Variants in VWA8 observed in about 807,000 individuals in gnomAD.
VWA8 encodes von Willebrand factor A domain containing 8.
In VWA8, 221 loss-of-function variants were observed where a neutral mutation model predicts 241.5. The ratio of observed to expected loss-of-function variants is 0.91; its 90% CI spans 0.82 to 1.02. The LOEUF (loss-of-function observed/expected upper bound fraction) is 1.02. VWA8 is among the 50% of genes least tolerant of loss of function. VWA8 has a pLI of 0.00. For synonymous variants in VWA8, 852 were observed against 827.1 expected, an observed-to-expected ratio of 1.03 and a Z score of -0.52; for missense variants, 2,322 against 2,328.7, an observed-to-expected ratio of 1.00 and a Z score of 0.06.
chr13:41,863,582 C>T (rs1043682918), intron 12 of VWA8, among the ~76,000 whole-genome samples: 4 of 151,320 alleles, frequency 2.6e-5, no homozygotes, highest in African/African-American at 9.7e-5. Flanking sequence ...TAGGTGCCCA[C>T]CAACAGTGGA....
intron 37 of VWA8, among the ~76,000 whole-genome samples, chr13:41,668,534 A>G (rs2045001818): frequency 6.6e-6 from 1 of 152,180 alleles, no homozygotes; most frequent in Non-Finnish European, 1.5e-5. Context: ...AGCTTGAAAG[A>G]TCAAACAGAA....
At chr13:41,828,852 AT>A (rs1175247276) in intron 14 of VWA8, among the ~76,000 whole-genome samples, 4 of 152,138 alleles carry the variant, frequency 2.6e-5, no homozygotes, top group African/African-American at 9.7e-5. Flanking sequence ...AACTTTTCTA[AT>A]TTTTTTATAG....
intron 9 of VWA8, among the ~76,000 whole-genome samples, chr13:41,876,715 T>A (rs540759266): frequency 6.6e-6 from 1 of 152,266 alleles, no homozygotes; most frequent in East Asian, 1.9e-4. Flanking sequence ...GAATGAATAA[T>A]CTTTTTTGAG....
rs1365010696 is a variant in VWA8 at position 41,729,536 on chromosome 13, A to G, written c.2638+6T>C. The G allele has an allele frequency of 1.2e-6, 2 of 1,607,042 alleles. No individual in the cohort carries two copies. Among genetic ancestry groups the G allele is most frequent in the East Asian group, 4.5e-5 (2 of 44,690 alleles). On this transcript the variant is annotated splice_donor_region_variant and intron_variant, in intron 23 of 44. Coordinates refer to ENST00000379310, the MANE Select transcript of VWA8 (RefSeq NM_015058.2). ...TAAAGGAAACATTGCTTTCTAAAAT[A>G]CTCACTTGCAACAATGCGTCTTCCA...
At chr13:41,851,714 A>G (rs1434515527) in intron 12 of VWA8, among the ~76,000 whole-genome samples, 1 of 150,922 alleles carries the variant, frequency 6.6e-6, no homozygotes, top group African/African-American at 2.4e-5. Context: ...TTTTCTTCCC[A>G]GTCTCGGGTG....
At chr13:41,814,865 A>G (rs1320452260) in intron 16 of VWA8, among the ~76,000 whole-genome samples, 1 of 152,228 alleles carries the variant, frequency 6.6e-6, no homozygotes, top group Admixed American at 6.5e-5. Flanking sequence ...GAACAAAGAA[A>G]AAACCCCTGC....
chr13:41,771,210 C>T (rs541435040), intron 20 of VWA8, among the ~76,000 whole-genome samples: 4 of 152,152 alleles, frequency 2.6e-5, no homozygotes, highest in African/African-American at 9.7e-5. Context: ...GCAACCTCCC[C>T]CTCCCAGGTT....
At chr13:41,955,527 A>G (rs1566051440) in intron 1 of VWA8, among the ~76,000 whole-genome samples, 1 of 152,244 alleles carries the variant, frequency 6.6e-6, no homozygotes, top group Admixed American at 6.5e-5. Context: ...CAGCAAGAAC[A>G]TAAAGAATTA....
intron 7 of VWA8, among the ~76,000 whole-genome samples, chr13:41,886,348 G>A (rs1278354444): frequency 4.6e-5 from 7 of 151,452 alleles, no homozygotes; most frequent in Admixed American, 6.6e-5. Flanking sequence ...CTAAAAACAA[G>A]GCATAAACTC....
At chr13:41,845,365 T>C (rs1417858737) in intron 12 of VWA8, among the ~76,000 whole-genome samples, 1 of 152,146 alleles carries the variant, frequency 6.6e-6, no homozygotes, top group Non-Finnish European at 1.5e-5. Flanking sequence ...ACTTACACAC[T>C]GTTTGTGGGA....
intron 4 of VWA8, among the ~76,000 whole-genome samples, chr13:41,893,707 A>G (rs1175455727): frequency 6.6e-6 from 1 of 152,110 alleles, no homozygotes; most frequent in Non-Finnish European, 1.5e-5. Flanking sequence ...AATATTGTGA[A>G]ACCCCGTCTC....
intron 16 of VWA8, among the ~76,000 whole-genome samples, chr13:41,815,437 G>A (rs775678620): frequency 1.3e-4 from 20 of 152,338 alleles, no homozygotes; most frequent in Middle Eastern, 6.8e-3. Flanking sequence ...GTTGCACTAT[G>A]TGTGTGGACC....
chr13:41,619,681 G>C (rs1281283406), intron 37 of VWA8, among the ~76,000 whole-genome samples: 3 of 152,208 alleles, frequency 2.0e-5, no homozygotes, highest in South Asian at 2.1e-4. Context: ...TAGCATGAAG[G>C]AGTGTTGAAT....
chr13:41,768,903 CTT>C (rs34257749), intron 20 of VWA8, among the ~76,000 whole-genome samples: 260 of 128,186 alleles, frequency 2.0e-3, no homozygotes, highest in Middle Eastern at 4.0e-3. Context: ...AAAACAATGC[CTT>C]TTTTTTTTTT....
chr13:41,914,172 G>A (rs917961687), intron 2 of VWA8, among the ~76,000 whole-genome samples: 3 of 152,274 alleles, frequency 2.0e-5, no homozygotes, highest in South Asian at 2.1e-4. Flanking sequence ...CAGCCTGGGC[G>A]ACAAAGTGAG....
At chr13:41,568,790 CTTT>C (rs200927172) in intron 44 of VWA8, among the ~76,000 whole-genome samples, 2 of 151,952 alleles carry the variant, frequency 1.3e-5, no homozygotes, top group African/African-American at 4.8e-5. Flanking sequence ...GCCTCTCTCT[CTTT>C]TTTTTGGTCC....
intron 2 of VWA8, among the ~76,000 whole-genome samples, chr13:41,931,130 C>A (rs1279796865): frequency 4.8e-5 from 6 of 124,722 alleles, no homozygotes; most frequent in Admixed American, 3.8e-4. Context: ...GCCTGGGCAA[C>A]AGAGTGAGAC....
At chr13:41,928,070 T>C (rs1161554404) in intron 2 of VWA8, among the ~76,000 whole-genome samples, 2 of 152,176 alleles carry the variant, frequency 1.3e-5, no homozygotes, top group Non-Finnish European at 2.9e-5. Flanking sequence ...TATAAATATA[T>C]ATTCACCCAA....
In VWA8 at chr13:41,673,562, A is replaced by G. The variant is rs541215336; in HGVS notation, c.4409+1653T>C. 1.8e-3 allele frequency among the ~76,000 whole-genome samples: 280 copies of G among 152,368 alleles called. 1 individual carries two copies. Among genetic ancestry groups the G allele is most frequent in the Non-Finnish European group, 3.4e-3 (233 of 68,042 alleles). ...GAGATGTGCTTTAAGTGTAAAATACATACTGAATTTCAGAGACTTAGGGAA... is the reference window on the plus strand; with the variant it reads ...GAGATGTGCTTTAAGTGTAAAATACGTACTGAATTTCAGAGACTTAGGGAA... On this transcript the variant is annotated intron_variant, in intron 36 of 44. Coordinates refer to ENST00000379310, the MANE Select transcript of VWA8 (RefSeq NM_015058.2).
Sources: allele counts gnomAD v4.1 joint callset (sites outside exome capture counted in the v4.1 genomes callset), GRCh38; gene constraint gnomAD v4.1.1; transcripts MANE v1.5; gene names NCBI Gene and HGNC (gene_info 2026-07-23, HGNC 2026-07-21).